NPAS3: variants seen among roughly 807,000 people sequenced by gnomAD.
The protein encoded by NPAS3 is neuronal PAS domain protein 3.
A neutral mutation model predicts 73.1 loss-of-function variants in NPAS3; 14 were observed. That is an observed-to-expected ratio of 0.19 (90% confidence interval 0.13 to 0.30). The LOEUF is 0.30. Ranked by LOEUF, NPAS3 falls within the 10% of genes least tolerant of loss-of-function variation. The pLI, the probability that NPAS3 is intolerant of heterozygous loss-of-function variation, is 1.00. For missense variants in NPAS3, 1,096 were observed against 1,250.0 expected, an observed-to-expected ratio of 0.88 and a Z score of 1.86; for synonymous variants, 620 against 541.5, an observed-to-expected ratio of 1.14 and a Z score of -2.01.
intron 3 of NPAS3, among the ~76,000 whole-genome samples, chr14:33,259,529 A>G (rs1594533095): frequency 6.6e-6 from 1 of 152,236 alleles, no homozygotes; most frequent in African/African-American, 2.4e-5. Flanking sequence ...ATAAGCATAA[A>G]TTATAATCGC....
chr14:33,174,935 A>G (rs1488557268), intron 2 of NPAS3, among the ~76,000 whole-genome samples: 2 of 152,220 alleles, frequency 1.3e-5, no homozygotes, highest in African/African-American at 4.8e-5. Flanking sequence ...ACCATTCACC[A>G]GACTCGTTGG....
intron 2 of NPAS3, among the ~76,000 whole-genome samples, chr14:33,148,688 T>A (rs67036405): frequency 0.24 from 36,583 of 152,038 alleles, 5,160 homozygotes; most frequent in East Asian, 0.49. Context: ...TTTTCTTTTT[T>A]AAAAAAAATT....
At chr14:33,242,493 G>C (rs1594485706) in intron 3 of NPAS3, among the ~76,000 whole-genome samples, 1 of 152,018 alleles carries the variant, frequency 6.6e-6, no homozygotes, top group South Asian at 2.1e-4. Flanking sequence ...GTCTGCAGAG[G>C]TTGCTTATAA....
chr14:33,695,006 G>A (rs1339591575), intron 6 of NPAS3, among the ~76,000 whole-genome samples: 2 of 152,104 alleles, frequency 1.3e-5, no homozygotes, highest in African/African-American at 2.4e-5. Flanking sequence ...GTTGAGTTTA[G>A]GCAGCAAGGA....
intron 2 of NPAS3, among the ~76,000 whole-genome samples, chr14:33,133,007 TTAAA>T (rs1316546673): frequency 6.6e-6 from 1 of 152,186 alleles, no homozygotes; most frequent in Non-Finnish European, 1.5e-5. Flanking sequence ...GTTATTACTC[TTAAA>T]TTAATTGGTC....
chr14:33,560,719 A>G (rs2055604231), intron 5 of NPAS3, among the ~76,000 whole-genome samples: 2 of 152,232 alleles, frequency 1.3e-5, no homozygotes, highest in Admixed American at 6.5e-5. Flanking sequence ...ATGCTGAAAG[A>G]TGATTTCATA....
intron 3 of NPAS3, among the ~76,000 whole-genome samples, chr14:33,302,690 C>T (rs1044421500): frequency 5.3e-5 from 8 of 152,160 alleles, no homozygotes; most frequent in Non-Finnish European, 7.3e-5. Flanking sequence ...CCACAGTCTA[C>T]GTTACGCTAC....
At chr14:33,716,948 G>C (rs866039945) in intron 6 of NPAS3, among the ~76,000 whole-genome samples, 1 of 152,018 alleles carries the variant, frequency 6.6e-6, no homozygotes, top group Middle Eastern at 3.4e-3. Flanking sequence ...CTTTTGAAAA[G>C]TGTTGTGTTT....
At chr14:33,701,045 C>T (rs573181991) in intron 6 of NPAS3, among the ~76,000 whole-genome samples, 7 of 152,048 alleles carry the variant, frequency 4.6e-5, no homozygotes, top group South Asian at 2.1e-4. Context: ...TAAGGGCGTC[C>T]GTGAAACAAA....
chr14:33,589,735 A>G (rs1318396294), intron 5 of NPAS3, among the ~76,000 whole-genome samples: 2 of 152,198 alleles, frequency 1.3e-5, no homozygotes, highest in South Asian at 2.1e-4. Flanking sequence ...CTTCTTGACC[A>G]TGGTGTGGAT....
chr14:33,195,605 G>A (rs1566662243), intron 2 of NPAS3, among the ~76,000 whole-genome samples: 1 of 152,178 alleles, frequency 6.6e-6, no homozygotes. Flanking sequence ...AAACAGAGCT[G>A]TAACCTTTGT....
chr14:33,239,862 A>T (rs1202855455), intron 3 of NPAS3, among the ~76,000 whole-genome samples: 1 of 135,270 alleles, frequency 7.4e-6, no homozygotes, highest in African/African-American at 2.8e-5. Context: ...AATTAGAAAT[A>T]GTTTTTTTTT....
chr14:33,801,017 A>C, exon 12 of NPAS3: 1 of 1,589,604 alleles, frequency 6.3e-7, no homozygotes, highest in Non-Finnish European at 8.6e-7. Context: ...CAACGTGTTC[A>C]CCACGGCCGA....
At chr14:33,651,082 C>A (rs910254218) in intron 5 of NPAS3, among the ~76,000 whole-genome samples, 1 of 152,230 alleles carries the variant, frequency 6.6e-6, no homozygotes, top group Non-Finnish European at 1.5e-5. Context: ...CTAAGAAAGA[C>A]AGGTCAACAA....
intron 2 of NPAS3, among the ~76,000 whole-genome samples, chr14:33,204,440 C>A (rs924193387): frequency 2.0e-5 from 3 of 152,066 alleles, no homozygotes; most frequent in Non-Finnish European, 4.4e-5. Flanking sequence ...GGTAGAGACC[C>A]CAAGATACCA....
intron 2 of NPAS3, among the ~76,000 whole-genome samples, chr14:33,107,031 A>G (rs555205999): frequency 6.6e-6 from 1 of 152,106 alleles, no homozygotes; most frequent in Admixed American, 6.6e-5. Context: ...TTGTATTCTC[A>G]CTTTTTCTGT....
rs1440571270 is a variant in NPAS3 at position 33,369,689 on chromosome 14, G to A, written c.468+2421G>A. Among the ~76,000 whole-genome samples the A allele has an allele frequency of 3.3e-5, 5 of 152,220 alleles. No homozygotes were observed. The East Asian group carries it at 5.8e-4, about 18-fold the overall frequency. The stretch of plus-strand genomic sequence containing the variant: ...GAACTTTTGGTATAATTTGATTTTA[G>A]CACTAATGGTTATGGAGTGGAAGAA... On this transcript the variant is annotated intron_variant, in intron 4 of 11. Transcript: ENST00000356141.
chr14:33,070,011 G>A (rs1395207630), intron 2 of NPAS3, among the ~76,000 whole-genome samples: 2 of 152,190 alleles, frequency 1.3e-5, no homozygotes. Context: ...TTGATTGACA[G>A]ACTGGCAAAC....
intron 6 of NPAS3, among the ~76,000 whole-genome samples, chr14:33,714,072 G>A (rs961571457): frequency 2.0e-5 from 3 of 151,888 alleles, no homozygotes; most frequent in African/African-American, 4.8e-5. Context: ...CTCTGGCCAC[G>A]TTATTTAAAA....
Sources: allele counts gnomAD v4.1 joint callset (sites outside exome capture counted in the v4.1 genomes callset), GRCh38; gene constraint gnomAD v4.1.1; transcripts MANE v1.5; gene names NCBI Gene and HGNC (gene_info 2026-07-23, HGNC 2026-07-21).